KCNT2: variants seen among roughly 807,000 people sequenced by gnomAD.
KCNT2 encodes the protein potassium channel subfamily T member 2.
A neutral mutation model predicts 153.8 loss-of-function variants in KCNT2; 67 were observed. The observed-to-expected ratio is 0.44, with a 90% CI of 0.36 to 0.53. The LOEUF is 0.53. KCNT2 is among the 20% of genes least tolerant of loss of function. KCNT2 has a pLI of 0.00. For synonymous variants in KCNT2, 500 were observed against 458.8 expected, an observed-to-expected ratio of 1.09 and a Z score of -1.15; for missense variants, 975 against 1,354.8, an observed-to-expected ratio of 0.72 and a Z score of 4.40.
chr1:196,293,866 AAAAAAAAC>A (rs1214982816), intron 22 of KCNT2, among the ~76,000 whole-genome samples: 5 of 151,456 alleles, frequency 3.3e-5, no homozygotes, highest in Non-Finnish European at 4.4e-5. Context: ...AGTCAAAAAA[AAAAAAAAC>A]AAAAAAACAA....
intron 14 of KCNT2, among the ~76,000 whole-genome samples, chr1:196,369,327 G>GT (rs898202444): frequency 1.8e-4 from 27 of 151,708 alleles, no homozygotes; most frequent in South Asian, 4.2e-4. Context: ...ATTTATTTTT[G>GT]TTTTTTTATT....
intron 19 of KCNT2, among the ~76,000 whole-genome samples, chr1:196,322,628 C>T (rs1663438153): frequency 6.6e-6 from 1 of 151,756 alleles, no homozygotes; most frequent in South Asian, 2.1e-4. Flanking sequence ...TAGTCAGTGA[C>T]TGTTAGGAAG....
rs143527884 is a variant in KCNT2 at position 196,456,674 on chromosome 1, A to G, written c.638+8619T>C. Among the ~76,000 whole-genome samples the G allele has an allele frequency of 1.4e-3, 213 of 152,048 alleles. 2 individuals carry two copies. The highest frequency in any genetic ancestry group is 5.0e-3 in the African/African-American group (207 of 41,526). ...TGTGCATTATCTGAAGTCCATTTTGACTTTGTTCATACCACTAGTGTTATA... is the reference window on the plus strand; with the variant it reads ...TGTGCATTATCTGAAGTCCATTTTGGCTTTGTTCATACCACTAGTGTTATA... On this transcript the variant is annotated intron_variant, in intron 8 of 27. Coordinates refer to ENST00000294725, the MANE Select transcript of KCNT2 (RefSeq NM_198503.5).
chr1:196,279,097 G>C (rs1331994084), intron 25 of KCNT2, among the ~76,000 whole-genome samples: 3 of 152,152 alleles, frequency 2.0e-5, no homozygotes, highest in African/African-American at 7.2e-5. Flanking sequence ...TTAAATTTCT[G>C]TTGTTTACAA....
At chr1:196,565,237 A>C (rs1659958881) in intron 1 of KCNT2, among the ~76,000 whole-genome samples, 1 of 151,890 alleles carries the variant, frequency 6.6e-6, no homozygotes. Context: ...TTAAAACCAC[A>C]ATGAGATATC....
At position 196,515,361 on chromosome 1, in the gene KCNT2, A is replaced by G. The variant is rs1181528312; in HGVS notation, c.96-23020T>C. Among the ~76,000 whole-genome samples, 5 of 152,238 alleles carry G rather than the reference A, an allele frequency of 3.3e-5. No homozygotes were observed. The East Asian group carries it at 9.6e-4, about 29-fold the overall frequency. ...TAACAGTCATTGCACTATATAAAAT[A>G]GATGATAAACTGTGAAGACTATTAA... is the stretch of plus-strand genomic sequence containing the variant. On this transcript the variant is annotated intron_variant, in intron 1 of 27. Transcript: ENST00000294725.
At chr1:196,289,642 T>C (rs1660004627) in intron 22 of KCNT2, among the ~76,000 whole-genome samples, 1 of 152,106 alleles carries the variant, frequency 6.6e-6, no homozygotes, top group Non-Finnish European at 1.5e-5. Flanking sequence ...TAACAGAGGT[T>C]TGAGAATGTG....
chr1:196,282,368 A>T lies in KCNT2; in HGVS notation c.2698-12T>A. 7.4e-7 allele frequency: 1 copy of T among 1,344,898 alleles called. No homozygotes were observed. Among genetic ancestry groups the T allele is most frequent in the Non-Finnish European group, 1.1e-6 (1 of 938,940 alleles). 83.3% of individuals were successfully genotyped at this position (1,344,898 alleles called of 1,614,324 possible). A position where few individuals can be genotyped will look rare whatever the true frequency, so the allele number is the denominator to read the frequency against. The stretch of plus-strand genomic sequence containing the variant: ...TCCTTCACAAATGACTGCAATATAA[A>T]CAAACAAACAATATATAAATGTATA... On this transcript the variant is annotated splice_polypyrimidine_tract_variant and intron_variant, in intron 23 of 27. Transcript: ENST00000294725.
At chr1:196,432,422 A>T (rs1193481299) in intron 8 of KCNT2, among the ~76,000 whole-genome samples, 1 of 151,994 alleles carries the variant, frequency 6.6e-6, no homozygotes, top group African/African-American at 2.4e-5. Context: ...CTAGACCCCA[A>T]CTCCGTAAAC....
rs567600865 is a variant in KCNT2, at chr1:196,459,279, A to AAAGTATAT, written c.638+6013_638+6014insATATACTT. Among the ~76,000 whole-genome samples the AAAGTATAT allele has an allele frequency of 5.3e-4, 80 of 151,944 alleles. 1 individual carries two copies. The East Asian group carries it at 0.015, about 28-fold the overall frequency. The stretch of plus-strand genomic sequence containing the variant: ...ATTTAATAATTTATAAAAGGTGACC[A>AAAGTATAT]TGCCCTATCCTGTGCCCTAATGTAC... On this transcript the variant is annotated intron_variant, in intron 8 of 27. Transcript: ENST00000294725.
chr1:196,299,568 C>T (rs1006515265), intron 22 of KCNT2, among the ~76,000 whole-genome samples: 3 of 151,944 alleles, frequency 2.0e-5, no homozygotes, highest in East Asian at 1.9e-4. Flanking sequence ...GTTAGAATGC[C>T]TATTATCAAA....
Position 196,574,093 on chromosome 1 carries a change from A to C in KCNT2, c.95+34122T>G, listed in dbSNP as rs144786546. Among the ~76,000 whole-genome samples the C allele has an allele frequency of 1.9e-3, 294 of 152,082 alleles. 1 individual carries two copies. The highest frequency in any genetic ancestry group is 3.7e-3 in the South Asian group (18 of 4,822). ...CATCATAGTTACATGGTCTTAATTA[A>C]ATCATTTACTTTTTCTGAGAATCAA... is the stretch of plus-strand genomic sequence containing the variant. On this transcript the variant is annotated intron_variant, in intron 1 of 27. Transcript: ENST00000294725.
At chr1:196,345,557 C>T (rs747939873) in intron 14 of KCNT2, among the ~76,000 whole-genome samples, 1 of 152,078 alleles carries the variant, frequency 6.6e-6, no homozygotes, top group Non-Finnish European at 1.5e-5. Flanking sequence ...ATTGGGATGA[C>T]TTGGCAATCA....
At chr1:196,372,642 G>T (rs376040326) in intron 14 of KCNT2, among the ~76,000 whole-genome samples, 2 of 151,780 alleles carry the variant, frequency 1.3e-5, no homozygotes, top group Non-Finnish European at 2.9e-5. Context: ...GATTTATACT[G>T]CATTAGCTAA....
At chr1:196,334,157 AATAT>A in intron 16 of KCNT2, 97 bp from the exon 17 acceptor site, 1 of 686,926 alleles carries the variant, frequency 1.5e-6, no homozygotes, top group Non-Finnish European at 2.5e-6. Context: ...AAACACAATA[AATAT>A]ATATATAGAG....
intron 1 of KCNT2, among the ~76,000 whole-genome samples, chr1:196,603,197 A>C (rs1253077963): frequency 6.6e-6 from 1 of 152,198 alleles, no homozygotes; most frequent in Non-Finnish European, 1.5e-5. Context: ...AGGATTGTCT[A>C]AACTCTCTTT....
chr1:196,480,186 A>C (rs1678887619), intron 4 of KCNT2, among the ~76,000 whole-genome samples: 1 of 152,216 alleles, frequency 6.6e-6, no homozygotes, highest in Non-Finnish European at 1.5e-5. Flanking sequence ...ATAGAATCAA[A>C]TAAGCAAATA....
chr1:196,552,646 G>A (rs1286220592), intron 1 of KCNT2, among the ~76,000 whole-genome samples: 1 of 151,446 alleles, frequency 6.6e-6, no homozygotes, highest in East Asian at 1.9e-4. Context: ...TAATTGTGGT[G>A]TGTAACTATG....
chr1:196,535,731 C>T (rs941802130), intron 1 of KCNT2, among the ~76,000 whole-genome samples: 12 of 152,150 alleles, frequency 7.9e-5, no homozygotes, highest in Non-Finnish European at 1.3e-4. Context: ...GAGCATGAGC[C>T]GGCCTGTACG....
Sources: allele counts gnomAD v4.1 joint callset (sites outside exome capture counted in the v4.1 genomes callset), GRCh38; gene constraint gnomAD v4.1.1; transcripts MANE v1.5; gene names NCBI Gene and HGNC (gene_info 2026-07-23, HGNC 2026-07-21).